Variants in DRD2 observed in about 807,000 individuals in gnomAD.
DRD2 encodes the protein dopamine receptor D2, also known as D(2) dopamine receptor.
Under a neutral mutation model 38.0 loss-of-function variants are expected in DRD2, and 8 were observed. The observed-to-expected ratio is 0.21, with a 90% confidence interval of 0.12 to 0.38. The LOEUF is 0.38. Among genes scored for constraint, DRD2 ranks in the 10% least tolerant of loss-of-function variants. The pLI, the probability that DRD2 is intolerant of heterozygous loss-of-function variation, is 1.00. For synonymous variants in DRD2, 230 were observed against 238.6 expected, an observed-to-expected ratio of 0.96 and a Z score of 0.33; for missense variants, 403 against 607.7, an observed-to-expected ratio of 0.66 and a Z score of 3.54.
In DRD2 at chr11:113,410,674, C is replaced by T; in HGVS notation, c.*53G>A. 1.2e-6 allele frequency: 2 copies of T among 1,610,396 alleles called. No individual in the cohort carries two copies. The highest frequency in any genetic ancestry group is 2.2e-5 in the East Asian group (1 of 44,848). The stretch of plus-strand genomic sequence containing the variant: ...TCACGGTTCGCAAGGGTGAGGCTGG[C>T]CGGCCTGGGCAGGGAGGTGGGAAGC... On this transcript the variant is annotated 3_prime_UTR_variant, in exon 8 of 8. Coordinates refer to ENST00000362072, the MANE Select transcript of DRD2 (RefSeq NM_000795.4).
At chr11:113,466,693 T>A (rs2119989022) in intron 1 of DRD2, among the ~76,000 whole-genome samples, 1 of 152,270 alleles carries the variant, frequency 6.6e-6, no homozygotes, top group Non-Finnish European at 1.5e-5. Context: ...AGGGAGAGTG[T>A]CGCTATGGGG....
chr11:113,470,377 T>G lies in DRD2; in HGVS notation c.-32+4699A>C, dbSNP rs529723835. Among the ~76,000 whole-genome samples, 289 of 152,322 alleles carry G rather than the reference T, an allele frequency of 1.9e-3. 2 individuals carry two copies. Among genetic ancestry groups the G allele is most frequent in the African/African-American group, 6.6e-3 (276 of 41,568 alleles). On this transcript the variant is annotated intron_variant, in intron 1 of 7. Coordinates refer to ENST00000362072, the MANE Select transcript of DRD2 (RefSeq NM_000795.4). ...TGGGGCCACAGCTGCAGTTCTGTGC[T>G]GAGCGACAGCTTCCTGGAAGGCAGG...
At chr11:113,456,241 C>T (rs1951267310) in intron 1 of DRD2, among the ~76,000 whole-genome samples, 1 of 152,168 alleles carries the variant, frequency 6.6e-6, no homozygotes, top group Non-Finnish European at 1.5e-5. Context: ...CGAATTTGAA[C>T]TCATAGAAGT....
chr11:113,460,706 C>T (rs955976594), intron 1 of DRD2, among the ~76,000 whole-genome samples: 3 of 152,252 alleles, frequency 2.0e-5, no homozygotes, highest in African/African-American at 7.2e-5. Context: ...GGATTATGGA[C>T]TCCTGTGGCT....
intron 1 of DRD2, among the ~76,000 whole-genome samples, chr11:113,454,368 T>TTA (rs1237327195): frequency 1.3e-5 from 2 of 151,734 alleles, no homozygotes; most frequent in African/African-American, 4.8e-5. Context: ...ATAATAATTA[T>TTA]TATATATATA....
At chr11:113,417,359 T>C (rs1464568140) in intron 3 of DRD2, among the ~76,000 whole-genome samples, 3 of 152,256 alleles carry the variant, frequency 2.0e-5, no homozygotes, top group Admixed American at 6.5e-5. Context: ...GAAATGTTTG[T>C]TGATAAATTG....
intron 1 of DRD2, among the ~76,000 whole-genome samples, chr11:113,471,395 A>G (rs1951424264): frequency 6.6e-6 from 1 of 152,162 alleles, no homozygotes; most frequent in Non-Finnish European, 1.5e-5. Context: ...TAGTGGCTCC[A>G]TGGTATATTC....
At chr11:113,465,910 T>C (rs558677220) in intron 1 of DRD2, among the ~76,000 whole-genome samples, 2 of 152,320 alleles carry the variant, frequency 1.3e-5, no homozygotes, top group East Asian at 3.9e-4. Flanking sequence ...AGGATAATGA[T>C]AGTGAATGTT....
chr11:113,453,722 C>T (rs770592187), intron 1 of DRD2, among the ~76,000 whole-genome samples: 4 of 152,172 alleles, frequency 2.6e-5, no homozygotes, highest in Non-Finnish European at 4.4e-5. Flanking sequence ...TGCCGGCACA[C>T]GGAAGGGGTT....
intron 1 of DRD2, among the ~76,000 whole-genome samples, chr11:113,462,977 G>A (rs7118174): frequency 0.014 from 2,203 of 152,058 alleles, 59 homozygotes; most frequent in African/African-American, 0.05. Context: ...GACCTTAGGT[G>A]GTTAGTATTA....
chr11:113,413,288 G>A (rs1291746114), intron 6 of DRD2: 2 of 550,812 alleles, frequency 3.6e-6, no homozygotes, highest in Admixed American at 1.9e-5. Flanking sequence ...GCCCACCCCT[G>A]TTCTCCCTGT....
chr11:113,417,702 C>A (rs1406497519), intron 3 of DRD2, among the ~76,000 whole-genome samples: 4 of 152,222 alleles, frequency 2.6e-5, no homozygotes, highest in Admixed American at 2.6e-4. Context: ...CTGAAAACGT[C>A]CATCATCTGC....
chr11:113,416,717 G>A lies in DRD2; in HGVS notation c.532+146C>T, dbSNP rs560570403. 414 of 1,236,626 alleles carry A rather than the reference G, an allele frequency of 3.3e-4. 2 individuals carry two copies. In the African/African-American group the frequency reaches 3.8e-3, roughly 11 times the overall value. The allele number at this position is 1,236,626 out of a possible 1,614,324, so 76.6% of individuals were successfully genotyped here. Reference sequence around the variant, plus strand: ...TTGAGTGGGGCTTGGCCCAGGACACGTAGCCTGGACTCAGTCCAGGGTAGT... The same window carrying A: ...TTGAGTGGGGCTTGGCCCAGGACACATAGCCTGGACTCAGTCCAGGGTAGT... On this transcript the variant is annotated intron_variant, in intron 4 of 7. Coordinates refer to ENST00000362072, the MANE Select transcript of DRD2 (RefSeq NM_000795.4).
At chr11:113,465,694 A>G (rs568712403) in intron 1 of DRD2, among the ~76,000 whole-genome samples, 5 of 152,286 alleles carry the variant, frequency 3.3e-5, no homozygotes, top group Admixed American at 6.5e-5. Context: ...CCCTGGGCAG[A>G]AGTGAGTTCT....
intron 1 of DRD2, among the ~76,000 whole-genome samples, chr11:113,456,462 G>A (rs1218464400): frequency 1.3e-5 from 2 of 152,090 alleles, no homozygotes; most frequent in Non-Finnish European, 1.5e-5. Flanking sequence ...TGATGGGTAC[G>A]TTAATTAGCC....
At chr11:113,466,813 G>C (rs1258784045) in intron 1 of DRD2, among the ~76,000 whole-genome samples, 1 of 152,186 alleles carries the variant, frequency 6.6e-6, no homozygotes, top group African/African-American at 2.4e-5. Context: ...ATAGATTTTA[G>C]AGAAGCATGA....
intron 1 of DRD2, among the ~76,000 whole-genome samples, chr11:113,457,984 C>T (rs899881441): frequency 1.3e-5 from 2 of 152,234 alleles, no homozygotes; most frequent in African/African-American, 2.4e-5. Context: ...TGGGGAGGGG[C>T]ATGGAAGATC....
intron 1 of DRD2, among the ~76,000 whole-genome samples, chr11:113,458,765 C>T (rs190907981): frequency 6.6e-6 from 1 of 152,244 alleles, no homozygotes; most frequent in African/African-American, 2.4e-5. Flanking sequence ...TCCAACTTAC[C>T]CAAGTTCTAA....
chr11:113,412,905 C>G (rs751921434), intron 6 of DRD2, 22 bp from the exon 7 acceptor site: 2 of 1,604,120 alleles, frequency 1.2e-6, no homozygotes, highest in Admixed American at 3.4e-5. Flanking sequence ...GCAGAGGGCT[C>G]TGGGTAAAGC....
Sources: allele counts gnomAD v4.1 joint callset (sites outside exome capture counted in the v4.1 genomes callset), GRCh38; gene constraint gnomAD v4.1.1; transcripts MANE v1.5; gene names NCBI Gene and HGNC (gene_info 2026-07-23, HGNC 2026-07-21).